AGFG1: variants seen among roughly 807,000 people sequenced by gnomAD.
AGFG1 encodes ArfGAP with FG repeats 1, also known as arf-GAP domain and FG repeat-containing protein 1.
AGFG1 carries 10 observed loss-of-function variants against 60.6 expected under a neutral mutation model. That is an observed-to-expected ratio of 0.16 (90% confidence interval 0.10 to 0.28). The LOEUF (loss-of-function observed/expected upper bound fraction) is 0.28. AGFG1 is among the 10% of genes least tolerant of loss of function. The probability of loss-of-function intolerance (pLI) is 1.00; values close to 1 mark genes in which losing one functional copy is unlikely to be tolerated. For missense variants in AGFG1, 537 were observed against 676.5 expected (o/e 0.79, Z 2.29); for synonymous variants, 247 against 242.9 (o/e 1.02, Z -0.16).
intron 5 of AGFG1, among the ~76,000 whole-genome samples, chr2:227,527,332 T>C (rs1692025400): frequency 6.6e-6 from 1 of 152,238 alleles, no homozygotes; most frequent in Non-Finnish European, 1.5e-5. Flanking sequence ...GTCTTCTCTC[T>C]TTTATACACA....
At chr2:227,548,915 C>T (rs1050149145) in intron 10 of AGFG1, among the ~76,000 whole-genome samples, 2 of 151,870 alleles carry the variant, frequency 1.3e-5, no homozygotes, top group South Asian at 2.1e-4. Flanking sequence ...CCATCCTGGG[C>T]GACAGAGCGA....
chr2:227,553,658 G>A lies in AGFG1; in HGVS notation c.1538-46G>A, dbSNP rs755744788. The A allele has an allele frequency of 9.0e-5, 130 of 1,448,054 alleles. No individual in the cohort carries two copies. The South Asian group carries it at 1.2e-3, about 13-fold the overall frequency. The allele number at this position is 1,448,054 out of a possible 1,614,324, so 89.7% of individuals were successfully genotyped here. Reference sequence around the variant, plus strand: ...TATGAGGCTTTATAAGCATCAGATTGTCTCTTGAAGGTATGGGTTATAATT... The same window carrying A: ...TATGAGGCTTTATAAGCATCAGATTATCTCTTGAAGGTATGGGTTATAATT... On this transcript the variant is annotated intron_variant, in intron 11 of 12. Coordinates refer to ENST00000310078, the MANE Select transcript of AGFG1 (RefSeq NM_004504.5).
rs1471535879 is a variant in AGFG1, at chr2:227,472,457, G to A, written c.36G>A (p.Lys12=). 2 of 1,557,392 alleles carry A rather than the reference G, an allele frequency of 1.3e-6. No homozygotes were observed. The highest frequency in any genetic ancestry group is 8.7e-7 in the Non-Finnish European group (1 of 1,152,692). The change falls in exon 1 of 13, where the codon AAG becomes AAA. Residue 12 remains lysine, a synonymous_variant. Transcript: ENST00000310078. The stretch of plus-strand genomic sequence containing the variant: ...GCGCGAAGCGGAAGCAGGAGGAGAA[G>A]CACCTGAAGATGCTGCGGGACATGA... ...AASAKRKQEE[K]HLKMLRDMTG...
At chr2:227,485,355 G>A (rs1451898305) in intron 1 of AGFG1, among the ~76,000 whole-genome samples, 1 of 147,844 alleles carries the variant, frequency 6.8e-6, no homozygotes, top group Non-Finnish European at 1.5e-5. Context: ...TCCTGCCTAA[G>A]CCTCCTGAGT....
rs1191794199 is a variant in AGFG1, at chr2:227,502,970, C to T, written c.261+11330C>T. On this transcript the variant is annotated intron_variant, in intron 2 of 12. Transcript: ENST00000310078. The stretch of plus-strand genomic sequence containing the variant: ...TGACCAGGCAGGGCATGGTGGTTCA[C>T]GTCTGTAATCCTAGCACTTTGGGAG... 4.6e-5 allele frequency among the ~76,000 whole-genome samples: 7 copies of T among 152,172 alleles called. No homozygotes were observed. In the East Asian group the frequency reaches 5.8e-4, roughly 13 times the overall value.
At chr2:227,526,688 G>A (rs1055558523) in intron 5 of AGFG1, among the ~76,000 whole-genome samples, 2 of 149,150 alleles carry the variant, frequency 1.3e-5, no homozygotes, top group Admixed American at 6.7e-5. Flanking sequence ...GATCACAGGC[G>A]CCCGCCACCA....
intron 10 of AGFG1, among the ~76,000 whole-genome samples, chr2:227,538,581 C>T (rs770047705): frequency 4.6e-5 from 7 of 152,176 alleles, no homozygotes; most frequent in Non-Finnish European, 8.8e-5. Context: ...TTGTCCCTCT[C>T]TATAGAATGT....
At chr2:227,547,160 T>C (rs1354511429) in intron 10 of AGFG1, among the ~76,000 whole-genome samples, 2 of 152,230 alleles carry the variant, frequency 1.3e-5, no homozygotes, top group African/African-American at 2.4e-5. Context: ...CTATTCCTTA[T>C]ATCTAAATAC....
chr2:227,528,213 G>T (rs1212217032), intron 5 of AGFG1, among the ~76,000 whole-genome samples: 1 of 152,150 alleles, frequency 6.6e-6, no homozygotes, highest in East Asian at 1.9e-4. Context: ...AAGGAAACTG[G>T]CGTAATTTTT....
chr2:227,502,931 T>G (rs10182920), intron 2 of AGFG1, among the ~76,000 whole-genome samples: 91,275 of 151,906 alleles, frequency 0.6, 27,464 homozygotes, highest in South Asian at 0.7. Context: ...TTGGAGTCTT[T>G]GTCAAAAATG....
Position 227,531,203 on chromosome 2 carries a change from A to T in AGFG1, c.807A>T (p.Gln269His), listed in dbSNP as rs936554013. 1 of 1,613,390 alleles carries T rather than the reference A, an allele frequency of 6.2e-7. No homozygotes were observed. The highest frequency in any genetic ancestry group is 1.3e-5 in the African/African-American group (1 of 74,878). Reference protein sequence around the residue: ...PTASHSPFQPQTTGGSAASVN... With the variant: ...PTASHSPFQPHTTGGSAASVN... ...CAAGTCACTCTCCTTTTCAGCCCCA[A>T]ACTACAGGTAGAGCTTCTCCAGCAT... Residue 269 changes from glutamine (Q) to histidine (H), a missense_variant, in exon 6 of 13, where the codon CAA (glutamine) becomes CAT (histidine). Physicochemically the swap from Gln to His is conservative, Grantham distance 24. This residue lies in a region of AGFG1 where 287 missense variants were observed against 343.6 expected (regional missense o/e 0.84). Transcript: ENST00000310078.
chr2:227,521,403 G>A (rs1691823854), intron 3 of AGFG1, among the ~76,000 whole-genome samples: 1 of 152,124 alleles, frequency 6.6e-6, no homozygotes, highest in South Asian at 2.1e-4. Context: ...AGATTAGTCA[G>A]GGCTATATTC....
intron 1 of AGFG1, among the ~76,000 whole-genome samples, chr2:227,474,349 C>T (rs1690220234): frequency 6.6e-6 from 1 of 152,174 alleles, no homozygotes; most frequent in African/African-American, 2.4e-5. Flanking sequence ...CATATATTTA[C>T]ACTTCCGGAT....
chr2:227,504,188 ATTT>A (rs111498312), intron 2 of AGFG1, among the ~76,000 whole-genome samples: 5 of 138,564 alleles, frequency 3.6e-5, no homozygotes, highest in Admixed American at 1.4e-4. Context: ...CTTGGTGTAA[ATTT>A]TTTTTTTTTT....
In AGFG1 at chr2:227,558,995, T is replaced by G. The variant is rs1486899790; in HGVS notation, c.*4500T>G. The G allele has an allele frequency of 2.0e-5, 3 of 152,230 alleles. No individual in the cohort carries two copies. The highest frequency in any genetic ancestry group is 7.2e-5 in the African/African-American group (3 of 41,462). 9.4% of individuals were successfully genotyped at this position (152,230 alleles called of 1,614,324 possible). ...AGAGCTTTTATATTGTTAATTCATT[T>G]AGCAAGCATTTGAACACTTGTTTAT... On this transcript the variant is annotated 3_prime_UTR_variant, in exon 13 of 13. Transcript: ENST00000310078.
chr2:227,488,592 A>G (rs890571401), intron 1 of AGFG1, among the ~76,000 whole-genome samples: 3 of 152,242 alleles, frequency 2.0e-5, no homozygotes, highest in Admixed American at 2.0e-4. Flanking sequence ...ACAAAGTTGC[A>G]AAGTGAGAAG....
At chr2:227,499,350 G>A in intron 2 of AGFG1, among the ~76,000 whole-genome samples, 1 of 151,784 alleles carries the variant, frequency 6.6e-6, no homozygotes, top group African/African-American at 2.4e-5. Flanking sequence ...ATAAAGGATT[G>A]GAGGCTTGGC....
rs927435988 is a variant in AGFG1 at position 227,543,135 on chromosome 2, G to A, written c.1378+6142G>A. ...CCTGGATTCATGGATTTTTTTGAGG[G>A]TTTTTTGTGTCTCTCTCTCCTTCAA... On this transcript the variant is annotated intron_variant, in intron 10 of 12. Coordinates refer to ENST00000310078, the MANE Select transcript of AGFG1 (RefSeq NM_004504.5). 3.3e-5 allele frequency among the ~76,000 whole-genome samples: 5 copies of A among 152,200 alleles called. No homozygotes were observed. In the South Asian group the frequency reaches 1.0e-3, roughly 32 times the overall value.
intron 10 of AGFG1, among the ~76,000 whole-genome samples, chr2:227,551,114 A>C (rs910662729): frequency 1.3e-5 from 2 of 152,242 alleles, no homozygotes; most frequent in African/African-American, 4.8e-5. Context: ...TACTCTGTCC[A>C]CCAAGTAATA....
Sources: gnomAD v4.1 joint callset for allele counts (sites outside exome capture counted in the v4.1 genomes callset) on GRCh38, gnomAD v4.1.1 for gene constraint, gnomAD v4.1.1 regional missense constraint, MANE v1.5 for transcripts, NCBI Gene and HGNC (gene_info 2026-07-23, HGNC 2026-07-21) for gene names.